The following EPM2A variants were observed in gnomAD, a reference collection of about 807,000 sequenced individuals.
EPM2A encodes the protein EPM2A glucan phosphatase, laforin, also known as laforin.
EPM2A carries 21 observed loss-of-function variants against 26.5 expected under a neutral mutation model. The observed-to-expected ratio is 0.79, with a 90% CI of 0.56 to 1.14. The LOEUF is 1.14. Among genes scored for constraint, EPM2A ranks in the 50% most tolerant of loss-of-function variants. The pLI is 0.00. For synonymous variants in EPM2A, 217 were observed against 177.6 expected, an observed-to-expected ratio of 1.22 and a Z score of -1.76; for missense variants, 458 against 440.8, an observed-to-expected ratio of 1.04 and a Z score of -0.35.
Position 145,735,504 on chromosome 6 carries a change from G to T in EPM2A, c.-6C>A, listed in dbSNP as rs1356645144. 1.0e-5 allele frequency: 12 copies of T among 1,184,966 alleles called. No homozygotes were observed. The highest frequency in any genetic ancestry group is 9.6e-5 in the African/African-American group (6 of 62,470). 73.4% of individuals were successfully genotyped at this position (1,184,966 alleles called of 1,614,324 possible). A position where few individuals can be genotyped will look rare whatever the true frequency, so the allele number is the denominator to read the frequency against. ...ACCCCAAAGCGGAAGCGCATGGCGG[G>T]CGGCGGCGGCGCGAATACCCGGGCC... On this transcript the variant is annotated 5_prime_UTR_variant, in exon 1 of 4. Coordinates refer to ENST00000367519, the MANE Select transcript of EPM2A (RefSeq NM_005670.4).
At position 145,409,750 on chromosome 6, in the gene EPM2A, A is replaced by C. The variant is rs76312446; in HGVS notation, c.556-25653T>G. Among the ~76,000 whole-genome samples, 517 of 152,208 alleles carry C rather than the reference A, an allele frequency of 3.4e-3. 1 individual carries two copies. The highest frequency in any genetic ancestry group is 4.4e-3 in the Non-Finnish European group (299 of 67,990). ...GGACTCTGATGATTATTTACAGGGG[A>C]TCTCATGTGGTTACTCCTCTTGGCT... On this transcript the variant is annotated intron_variant, in intron 4 of 4. Coordinates refer to the EPM2A transcript ENST00000638717.
At chr6:145,450,122 G>A (rs545320802) in intron 4 of EPM2A, among the ~76,000 whole-genome samples, 5 of 152,070 alleles carry the variant, frequency 3.3e-5, no homozygotes, top group African/African-American at 1.2e-4. Context: ...GGGAGGCCGA[G>A]GTGGGCAGAT....
chr6:145,555,652 C>T (rs534746603), intron 2 of EPM2A, among the ~76,000 whole-genome samples: 1 of 152,250 alleles, frequency 6.6e-6, no homozygotes, highest in Non-Finnish European at 1.5e-5. Context: ...AACATACACA[C>T]ACACGCATAT....
chr6:145,735,112 G>GGGGCCTGCC, intron 1 of EPM2A, 86 bp downstream of exon 1: 6 of 1,020,752 alleles, frequency 5.9e-6, no homozygotes, highest in Non-Finnish European at 8.0e-6. Flanking sequence ...CGGGGCCTGC[G>GGGGCCTGCC]GGGCCTGCCC....
rs1779617982 is a variant in EPM2A, at chr6:145,671,262, G to A, written c.476+14860C>T. 5 of 1,049,992 alleles carry A rather than the reference G, an allele frequency of 4.8e-6. No homozygotes were observed. The African/African-American group carries it at 6.8e-5, about 14-fold the overall frequency. The allele number at this position is 1,049,992 out of a possible 1,614,324, so 65.0% of individuals were successfully genotyped here. A position where few individuals can be genotyped will look rare whatever the true frequency, so the allele number is the denominator to read the frequency against. ...ACTTATTAAAAATCATTTATATACT[G>A]GCCATAAAATATGTGTATTTCCAAA... On this transcript the variant is annotated intron_variant, in intron 2 of 3. Coordinates refer to ENST00000367519, the MANE Select transcript of EPM2A (RefSeq NM_005670.4).
chr6:145,589,559 A>C (rs1781241451), intron 2 of EPM2A, among the ~76,000 whole-genome samples: 1 of 152,208 alleles, frequency 6.6e-6, no homozygotes, highest in Admixed American at 6.5e-5. Context: ...TAAGAAAAAG[A>C]AAATAATAAT....
intron 4 of EPM2A, among the ~76,000 whole-genome samples, chr6:145,418,000 T>C (rs1289377299): frequency 1.3e-5 from 2 of 152,126 alleles, no homozygotes; most frequent in Non-Finnish European, 2.9e-5. Context: ...ACACCCCTGA[T>C]AATTCACTGC....
In EPM2A at chr6:145,695,574, C is replaced by T. The variant is rs373688209; in HGVS notation, c.302-9278G>A. On this transcript the variant is annotated intron_variant, in intron 1 of 3. Coordinates refer to ENST00000367519, the MANE Select transcript of EPM2A (RefSeq NM_005670.4). ...TACTCACTTTACTTGTAAGAACACA[C>T]GTAGATGGAAAATAAAGGGATGGAA... 1.8e-4 allele frequency among the ~76,000 whole-genome samples: 27 copies of T among 151,794 alleles called. No homozygotes were observed. In the South Asian group the frequency reaches 3.3e-3, roughly 19 times the overall value.
intron 2 of EPM2A, among the ~76,000 whole-genome samples, chr6:145,651,319 A>AAAAAT (rs1562443968): frequency 6.6e-6 from 1 of 152,250 alleles, no homozygotes; most frequent in Non-Finnish European, 1.5e-5. Context: ...GTGATTAAGT[A>AAAAAT]GACTACAATA....
At chr6:145,667,383 A>T (rs2128594936) in intron 2 of EPM2A, among the ~76,000 whole-genome samples, 1 of 146,552 alleles carries the variant, frequency 6.8e-6, no homozygotes, top group South Asian at 2.1e-4. Flanking sequence ...TCAAAAGAAG[A>T]TATTTATGCA....
intron 1 of EPM2A, among the ~76,000 whole-genome samples, chr6:145,716,417 C>T (rs1775625118): frequency 6.6e-6 from 1 of 152,150 alleles, no homozygotes; most frequent in Admixed American, 6.5e-5. Context: ...CAGGACAGGG[C>T]ATCACTGGTG....
intron 4 of EPM2A, among the ~76,000 whole-genome samples, chr6:145,452,117 A>G (rs1029163590): frequency 2.0e-5 from 3 of 152,274 alleles, no homozygotes; most frequent in Middle Eastern, 6.8e-3. Flanking sequence ...GCGGTTCCTC[A>G]GGATTGAGAA....
At chr6:145,441,986 A>G (rs886275250) in intron 4 of EPM2A, among the ~76,000 whole-genome samples, 1 of 152,160 alleles carries the variant, frequency 6.6e-6, no homozygotes, top group Non-Finnish European at 1.5e-5. Context: ...ATCTTCCTCA[A>G]GTTTAAAGTT....
At chr6:145,451,856 A>G (rs1210765106) in intron 4 of EPM2A, among the ~76,000 whole-genome samples, 1 of 147,710 alleles carries the variant, frequency 6.8e-6, no homozygotes, top group East Asian at 2.0e-4. Context: ...AACACATATC[A>G]GCACAGTAAA....
At chr6:145,449,081 G>A (rs77258700) in intron 4 of EPM2A, among the ~76,000 whole-genome samples, 2,118 of 152,302 alleles carry the variant, frequency 0.014, 38 homozygotes, top group African/African-American at 0.046. Flanking sequence ...CCTAAGGAGT[G>A]ATGCAGAATG....
chr6:145,557,038 A>G (rs1206275390), intron 2 of EPM2A, among the ~76,000 whole-genome samples: 1 of 152,150 alleles, frequency 6.6e-6, no homozygotes, highest in Non-Finnish European at 1.5e-5. Flanking sequence ...CAAAACAGAA[A>G]ATAAAAGTAG....
chr6:145,627,764 A>G, intron 3 of EPM2A, 71 bp from the exon 4 acceptor site: 1 of 1,578,620 alleles, frequency 6.3e-7, no homozygotes, highest in Non-Finnish European at 8.6e-7. Context: ...GGTCTCCTCC[A>G]GCACAGCCTG....
At chr6:145,450,145 A>C (rs1779176736) in intron 4 of EPM2A, among the ~76,000 whole-genome samples, 1 of 151,930 alleles carries the variant, frequency 6.6e-6, no homozygotes, top group Admixed American at 6.6e-5. Context: ...TGAGGTCAGG[A>C]GATCAAGACC....
Position 145,627,657 on chromosome 6 carries a change from A to G in EPM2A, c.755T>C (p.Leu252Pro). The change falls in exon 4 of 4, where the codon CTG becomes CCG. Residue 252 changes from leucine to proline, a missense_variant. Leu to Pro is a moderately conservative substitution (Grantham distance 98). Coordinates refer to ENST00000367519, the MANE Select transcript of EPM2A (RefSeq NM_005670.4). ...GTGTCCCTTCTCCAGCAGCGCATGC[A>G]GCAGGCACACCGCCTGGGGCAGCAT... ...VQMLPQAVCL[L>P]HALLEKGHIV... 2 of 1,614,158 alleles carry G rather than the reference A, an allele frequency of 1.2e-6. No individual in the cohort carries two copies. The highest frequency in any genetic ancestry group is 2.2e-5 in the South Asian group (2 of 91,090).
Sources: allele counts gnomAD v4.1 joint callset (sites outside exome capture counted in the v4.1 genomes callset), GRCh38; gene constraint gnomAD v4.1.1; transcripts MANE v1.5; gene names NCBI Gene and HGNC (gene_info 2026-07-23, HGNC 2026-07-21).